SLC45A4: variants seen among roughly 807,000 people sequenced by gnomAD.
SLC45A4 encodes the protein solute carrier family 45 member 4.
Under a neutral mutation model 63.7 loss-of-function variants are expected in SLC45A4, and 32 were observed. The observed-to-expected ratio is 0.50, with a 90% confidence interval of 0.38 to 0.67. The LOEUF (loss-of-function observed/expected upper bound fraction) is 0.67. Ranked by LOEUF, SLC45A4 falls within the 30% of genes least tolerant of loss-of-function variation. The probability of loss-of-function intolerance (pLI) is 0.00; values close to 1 mark genes in which losing one functional copy is unlikely to be tolerated. For missense variants in SLC45A4, 1,027 were observed against 1,157.7 expected (o/e 0.89, Z 1.64); for synonymous variants, 535 against 510.0 (o/e 1.05, Z -0.66).
At chr8:141,223,147 T>C (rs1204499887) in intron 2 of SLC45A4, among the ~76,000 whole-genome samples, 1 of 152,224 alleles carries the variant, frequency 6.6e-6, no homozygotes, top group Non-Finnish European at 1.5e-5. Context: ...TTATTGCTAA[T>C]GTGCTCACTA....
At chr8:141,214,080 C>T (rs574620466) in intron 7 of SLC45A4, among the ~76,000 whole-genome samples, 21 of 151,524 alleles carry the variant, frequency 1.4e-4, no homozygotes, top group East Asian at 1.2e-3. Context: ...TGGTGGCAGG[C>T]GCCTGTAGTT....
chr8:141,293,564 G>C lies in SLC45A4; in HGVS notation c.-401+14532C>G, dbSNP rs1563679959. The stretch of plus-strand genomic sequence containing the variant: ...GTGGCAATGTCTGCCTTTGAGCTTA[G>C]CTTAGAGTGTTGGGACAAGGGGGAA... On this transcript the variant is annotated intron_variant, in intron 1 of 8. Coordinates refer to ENST00000517878, the MANE Select transcript of SLC45A4 (RefSeq NM_001286646.2). 2.6e-5 allele frequency among the ~76,000 whole-genome samples: 4 copies of C among 152,370 alleles called. No homozygotes were observed. The South Asian group carries it at 8.3e-4, about 32-fold the overall frequency.
At chr8:141,307,675 G>A (rs1830941445) in intron 1 of SLC45A4, among the ~76,000 whole-genome samples, 1 of 152,084 alleles carries the variant, frequency 6.6e-6, no homozygotes. Flanking sequence ...AGAAGGACAA[G>A]ACAGGGTCAG....
At chr8:141,224,452 G>GTTTT (rs71276846) in intron 2 of SLC45A4, 52,653 of 151,928 alleles carry the variant, frequency 0.35, 9,535 homozygotes, top group Non-Finnish European at 0.41. Flanking sequence ...TGAGTTTTTT[G>GTTTT]GTTTTGTTTT....
Position 141,211,508 on chromosome 8 carries a change from A to G in SLC45A4, c.*64T>C. 1 of 1,610,224 alleles carries G rather than the reference A, an allele frequency of 6.2e-7. No individual in the cohort carries two copies. The highest frequency in any genetic ancestry group is 2.2e-5 in the East Asian group (1 of 44,786). ...AGCTTTGGTGTGCGGTCGCTGCCCA[A>G]GGACAGGGCTGCCCTGGGCACAATG... is the stretch of plus-strand genomic sequence containing the variant. On this transcript the variant is annotated 3_prime_UTR_variant, in exon 9 of 9. Transcript: ENST00000517878.
chr8:141,220,994 G>A (rs1051972131), intron 3 of SLC45A4, among the ~76,000 whole-genome samples: 31 of 152,232 alleles, frequency 2.0e-4, no homozygotes, highest in African/African-American at 7.2e-4. Context: ...GAAGCGTCCC[G>A]GGGCCTCTCC....
chr8:141,280,764 A>T (rs1375002344), intron 1 of SLC45A4, among the ~76,000 whole-genome samples: 1 of 152,222 alleles, frequency 6.6e-6, no homozygotes, highest in Non-Finnish European at 1.5e-5. Flanking sequence ...GTCAGGACAG[A>T]GCCTGACTCG....
chr8:141,210,113 C>G lies in SLC45A4; in HGVS notation c.*1459G>C, dbSNP rs1034054472. 3 of 152,266 alleles carry G rather than the reference C, an allele frequency of 2.0e-5. No individual in the cohort carries two copies. The highest frequency in any genetic ancestry group is 7.2e-5 in the African/African-American group (3 of 41,464). 9.4% of individuals were successfully genotyped at this position (152,266 alleles called of 1,614,324 possible). ...CGTCAGGACGAGAAGCCGGAGAAAC[C>G]AGCTAAGACGGGAGCTGCGCCTCGA... is the stretch of plus-strand genomic sequence containing the variant. On this transcript the variant is annotated 3_prime_UTR_variant, in exon 9 of 9. Coordinates refer to ENST00000517878, the MANE Select transcript of SLC45A4 (RefSeq NM_001286646.2).
Position 141,256,507 on chromosome 8 carries a change from G to C in SLC45A4, c.-400-1878C>G. 1 of 456,220 alleles carries C rather than the reference G, an allele frequency of 2.2e-6. No homozygotes were observed. The highest frequency in any genetic ancestry group is 4.4e-6 in the Non-Finnish European group (1 of 226,894). The allele number at this position is 456,220 out of a possible 1,614,324, so 28.3% of individuals were successfully genotyped here. A position where few individuals can be genotyped will look rare whatever the true frequency, so the allele number is the denominator to read the frequency against. ...TCTCTCACACAGCCCTGATGGAGAA[G>C]GTGGGTCCCTGGCACGTGGGCCCCA... On this transcript the variant is annotated intron_variant, in intron 1 of 8. Transcript: ENST00000517878. The surrounding 1 kb of genome is among the most constrained non-coding windows in gnomAD (Gnocchi z 4.3).
intron 2 of SLC45A4, among the ~76,000 whole-genome samples, chr8:141,230,642 G>A (rs948732305): frequency 1.3e-5 from 2 of 151,040 alleles, no homozygotes; most frequent in Admixed American, 6.6e-5. Flanking sequence ...CTTGCTGCCC[G>A]AGCGCACGCT....
intron 1 of SLC45A4, among the ~76,000 whole-genome samples, chr8:141,259,620 G>A (rs1405907870): frequency 1.3e-5 from 2 of 152,134 alleles, no homozygotes; most frequent in Admixed American, 6.5e-5. Context: ...AGGGCTCACT[G>A]GACCCCTTTA....
At chr8:141,241,112 T>C (rs1361745788) in intron 2 of SLC45A4, among the ~76,000 whole-genome samples, 1 of 152,244 alleles carries the variant, frequency 6.6e-6, no homozygotes, top group Non-Finnish European at 1.5e-5. Flanking sequence ...AATGTACATA[T>C]TTTTAAAAGT....
intron 3 of SLC45A4, among the ~76,000 whole-genome samples, chr8:141,220,810 G>A (rs1826572499): frequency 6.6e-6 from 1 of 152,258 alleles, no homozygotes; most frequent in Non-Finnish European, 1.5e-5. Context: ...GCCCTGGGAA[G>A]CCACGTTGTT....
chr8:141,254,295 G>C lies in SLC45A4; in HGVS notation c.-66C>G. ...ATATAAATAATGCTTTCATATATCT[G>C]TAATGATAAATTAAGACGTCTTCTC... is the stretch of plus-strand genomic sequence containing the variant. On this transcript the variant is annotated 5_prime_UTR_variant, in exon 2 of 9. The change creates a premature stop within an existing upstream ORF in the 5' untranslated region. Coordinates refer to ENST00000517878, the MANE Select transcript of SLC45A4 (RefSeq NM_001286646.2). The surrounding 1 kb of genome is among the most constrained non-coding windows in gnomAD (Gnocchi z 4.5). 7.1e-7 allele frequency: 1 copy of C among 1,406,782 alleles called. No individual in the cohort carries two copies. Among genetic ancestry groups the C allele is most frequent in the Non-Finnish European group, 9.4e-7 (1 of 1,068,202 alleles). 87.1% of individuals were successfully genotyped at this position (1,406,782 alleles called of 1,614,324 possible).
intron 1 of SLC45A4, among the ~76,000 whole-genome samples, chr8:141,257,273 A>G (rs1347610969): frequency 1.3e-5 from 2 of 152,240 alleles, no homozygotes; most frequent in African/African-American, 4.8e-5. Flanking sequence ...TTCCTAACAG[A>G]AAATTTCACG....
At chr8:141,295,629 C>T (rs928694347) in intron 1 of SLC45A4, among the ~76,000 whole-genome samples, 5 of 152,188 alleles carry the variant, frequency 3.3e-5, no homozygotes, top group South Asian at 2.1e-4. Context: ...ACAGGGTAAA[C>T]GGCTCCACAA....
intron 2 of SLC45A4, among the ~76,000 whole-genome samples, chr8:141,244,617 A>G (rs1828077900): frequency 6.6e-6 from 1 of 152,164 alleles, no homozygotes; most frequent in Non-Finnish European, 1.5e-5. Flanking sequence ...GTTGAGTGGG[A>G]GCATGCAGAG....
In SLC45A4 at chr8:141,219,774, C is replaced by T. The variant is rs1322990037; in HGVS notation, c.486G>A (p.Val162=). ...TGAAGTCCAGGACCACCACTCCCAG[C>T]ACCGTGAGCACGATGCCAATGGGCT... ...NRQPIGIVLT[V]LGVVVLDFSA... The change falls in exon 4 of 9, where the codon GTG becomes GTA. Residue 162 remains valine (V), a synonymous_variant. Coordinates refer to ENST00000517878, the MANE Select transcript of SLC45A4 (RefSeq NM_001286646.2). The T allele has an allele frequency of 6.3e-7, 1 of 1,598,788 alleles. No homozygotes were observed. Among genetic ancestry groups the T allele is most frequent in the Non-Finnish European group, 8.5e-7 (1 of 1,173,322 alleles).
rs566053068 is a variant in SLC45A4, at chr8:141,278,410, G to A, written c.-400-23781C>T. ...AGGGGTGAGCACCTGCGGTGGAAGCGGGGCGGGCGGCCGACCCACGAGGAC... is the reference window on the plus strand; with the variant it reads ...AGGGGTGAGCACCTGCGGTGGAAGCAGGGCGGGCGGCCGACCCACGAGGAC... On this transcript the variant is annotated intron_variant, in intron 1 of 8. Transcript: ENST00000517878. This position sits in a 1 kb window ranked among gnomAD's most constrained non-coding sequence, Gnocchi z 4.1. The A allele has an allele frequency of 3.4e-4, 51 of 151,226 alleles. No individual in the cohort carries two copies. In the South Asian group the frequency reaches 9.0e-3, roughly 27 times the overall value. The allele number at this position is 151,226 out of a possible 1,614,324, so 9.4% of individuals were successfully genotyped here.
Sources: allele counts gnomAD v4.1 joint callset (sites outside exome capture counted in the v4.1 genomes callset), GRCh38; gene constraint gnomAD v4.1.1; non-coding constraint Gnocchi (gnomAD v3.1); transcripts MANE v1.5; gene names NCBI Gene and HGNC (gene_info 2026-07-23, HGNC 2026-07-21).